The following NOD1 variants were observed in gnomAD, a reference collection of about 807,000 sequenced individuals.
The protein encoded by NOD1 is nucleotide-binding oligomerization domain-containing protein 1.
NOD1 carries 70 observed loss-of-function variants against 81.2 expected under a neutral mutation model. The ratio of observed to expected loss-of-function variants is 0.86; its 90% CI spans 0.71 to 1.05. NOD1 has a LOEUF of 1.05. NOD1 is among the 50% of genes least tolerant of loss of function. NOD1 has a pLI of 0.00. For synonymous variants in NOD1, 508 were observed against 526.9 expected (o/e 0.96, Z 0.49); for missense variants, 1,233 against 1,228.0 (o/e 1.00, Z -0.06).
chr7:30,431,310 GTC>G (rs530165052), intron 12 of NOD1, among the ~76,000 whole-genome samples: 59 of 152,250 alleles, frequency 3.9e-4, no homozygotes, highest in Non-Finnish European at 7.8e-4. Flanking sequence ...GACAAGGTGA[GTC>G]TGAATTCATA....
At chr7:30,469,081 C>T (rs1354587222) in intron 1 of NOD1, 11 of 985,306 alleles carry the variant, frequency 1.1e-5, no homozygotes, top group Non-Finnish European at 1.2e-5. Context: ...TCCTACTTTT[C>T]CTGCTGCATG....
chr7:30,431,790 T>C (rs997139007), intron 12 of NOD1, among the ~76,000 whole-genome samples: 2 of 152,210 alleles, frequency 1.3e-5, no homozygotes, highest in Non-Finnish European at 2.9e-5. Flanking sequence ...AAAAAATAGA[T>C]AAATTGGACT....
At chr7:30,445,375 C>A (rs918492349) in intron 9 of NOD1, among the ~76,000 whole-genome samples, 1 of 149,320 alleles carries the variant, frequency 6.7e-6, no homozygotes, top group Non-Finnish European at 1.5e-5. Flanking sequence ...ACAGCCAAAG[C>A]ATAGAAGCAA....
chr7:30,436,256 A>G (rs1334430438), intron 10 of NOD1, among the ~76,000 whole-genome samples, 175 bp from the exon 11 acceptor site: 1 of 152,246 alleles, frequency 6.6e-6, no homozygotes, highest in East Asian at 1.9e-4. Context: ...CTGCTGCCCC[A>G]GAGCCCACAC....
chr7:30,472,533 C>T (rs867876010), intron 1 of NOD1, among the ~76,000 whole-genome samples: 8 of 152,306 alleles, frequency 5.3e-5, no homozygotes, highest in African/African-American at 1.9e-4. Context: ...TGCTTACTGC[C>T]CTAACCTCCT....
intron 13 of NOD1, among the ~76,000 whole-genome samples, chr7:30,426,074 C>T (rs1201061581): frequency 6.6e-6 from 1 of 152,148 alleles, no homozygotes; most frequent in Admixed American, 6.5e-5. Flanking sequence ...GATTTTTCTC[C>T]TGCATCTGAG....
At chr7:30,441,301 C>T (rs1181958260) in intron 9 of NOD1, among the ~76,000 whole-genome samples, 1 of 3,858 alleles carries the variant, frequency 2.6e-4, no homozygotes, top group Non-Finnish European at 4.6e-4. Context: ...AATTAAAAGA[C>T]ACAGACTGGC....
chr7:30,460,872 C>G (rs1366083682), intron 1 of NOD1, among the ~76,000 whole-genome samples: 1 of 152,208 alleles, frequency 6.6e-6, no homozygotes, highest in Non-Finnish European at 1.5e-5. Flanking sequence ...GTGCCCAAGT[C>G]CCCTCCTGCA....
intron 8 of NOD1, 142 bp downstream of exon 8, chr7:30,446,825 G>T (rs1400819445): frequency 2.6e-5 from 17 of 659,354 alleles, no homozygotes; most frequent in Non-Finnish European, 4.5e-5. Context: ...TCACACAGAG[G>T]TATCTTTACT....
chr7:30,469,410 C>T (rs1788041878), intron 1 of NOD1, among the ~76,000 whole-genome samples: 1 of 152,174 alleles, frequency 6.6e-6, no homozygotes, highest in Admixed American at 6.5e-5. Context: ...TCCCTACTCC[C>T]TCTTCCCTCC....
At chr7:30,456,612 C>A in intron 4 of NOD1, 109 bp downstream of exon 4, 1 of 936,856 alleles carries the variant, frequency 1.1e-6, no homozygotes, top group South Asian at 1.4e-5. Flanking sequence ...AAATGCAGCC[C>A]TGCCCGCTGG....
chr7:30,445,035 C>T (rs1784891213), intron 9 of NOD1, among the ~76,000 whole-genome samples: 1 of 34,948 alleles, frequency 2.9e-5, no homozygotes, highest in Non-Finnish European at 5.2e-5. Context: ...ACCGCATATT[C>T]TCACTCATAG....
intron 7 of NOD1, among the ~76,000 whole-genome samples, 162 bp downstream of exon 7, chr7:30,448,136 C>T (rs1003019338): frequency 3.9e-5 from 6 of 152,184 alleles, no homozygotes; most frequent in African/African-American, 1.4e-4. Flanking sequence ...TCATGACTGG[C>T]CGAGCCACAA....
rs544360511 is a variant in NOD1, at chr7:30,433,266, A to G, written c.2622-87T>C. ...TTCACAGGAGCGGGAGCTCAGCCCA[A>G]GGCTCTCCAGCTATGCAGATGATCA... is the stretch of plus-strand genomic sequence containing the variant. On this transcript the variant is annotated intron_variant, in intron 11 of 13. Coordinates refer to ENST00000222823, the MANE Select transcript of NOD1 (RefSeq NM_006092.4). The G allele has an allele frequency of 6.0e-6, 6 of 1,002,970 alleles. No homozygotes were observed. In the South Asian group the frequency reaches 6.8e-5, roughly 11 times the overall value. 62.1% of individuals were successfully genotyped at this position (1,002,970 alleles called of 1,614,324 possible).
chr7:30,437,497 AT>A, intron 10 of NOD1, 75 bp downstream of exon 10: 1 of 935,368 alleles, frequency 1.1e-6, no homozygotes, highest in Non-Finnish European at 1.5e-6. Context: ...AGGAGCACGA[AT>A]CACCCTTCCC....
chr7:30,460,495 C>CAATGA, intron 1 of NOD1: 1 of 985,280 alleles, frequency 1.0e-6, no homozygotes, highest in Non-Finnish European at 1.2e-6. Context: ...TGGTGCAGAC[C>CAATGA]AATGGGGACT....
chr7:30,449,641 C>T (rs1253154701), intron 6 of NOD1, among the ~76,000 whole-genome samples: 1 of 152,170 alleles, frequency 6.6e-6, no homozygotes, highest in Non-Finnish European at 1.5e-5. Flanking sequence ...AGACTCCATA[C>T]CAGTCCTGAA....
chr7:30,437,452 T>G (rs1226006695), intron 10 of NOD1, 121 bp downstream of exon 10: 3 of 552,310 alleles, frequency 5.4e-6, no homozygotes, highest in Non-Finnish European at 9.0e-6. Context: ...TTGACAAGAG[T>G]AAGGAAAATC....
chr7:30,469,951 T>C (rs1042271354), intron 1 of NOD1, among the ~76,000 whole-genome samples: 1 of 148,792 alleles, frequency 6.7e-6, no homozygotes, highest in Admixed American at 6.6e-5. Flanking sequence ...GTTCCCACCT[T>C]ACTCTGTTTC....
Sources: gnomAD v4.1 joint callset for allele counts (sites outside exome capture counted in the v4.1 genomes callset) on GRCh38, gnomAD v4.1.1 for gene constraint, MANE v1.5 for transcripts, NCBI Gene and HGNC (gene_info 2026-07-23, HGNC 2026-07-21) for gene names.